Variants in TRAPPC4 observed in about 807,000 individuals in gnomAD.
TRAPPC4 encodes trafficking protein particle complex subunit 4, also known as TRS23 homolog.
A neutral mutation model predicts 23.5 loss-of-function variants in TRAPPC4; 30 were observed. The ratio of observed to expected loss-of-function variants is 1.28; its 90% CI spans 0.96 to 1.73. The LOEUF (loss-of-function observed/expected upper bound fraction) is 1.73. Among genes scored for constraint, TRAPPC4 ranks in the 40% most tolerant of loss-of-function variants. TRAPPC4 has a pLI of 0.00. For missense variants in TRAPPC4, 252 were observed against 268.9 expected (o/e 0.94, Z 0.44); for synonymous variants, 129 against 105.3 (o/e 1.23, Z -1.38).
intron 4 of TRAPPC4, 132 bp downstream of exon 4, chr11:119,022,018 CTT>C: frequency 5.0e-6 from 6 of 1,209,330 alleles, no homozygotes; most frequent in Non-Finnish European, 5.7e-6. Flanking sequence ...GAGTTTCGCT[CTT>C]GTTGCCCAGG....
At position 119,023,668 on chromosome 11, in the gene TRAPPC4, T is replaced by C; in HGVS notation, c.*269T>C. 3.3e-6 allele frequency: 1 copy of C among 301,194 alleles called. No individual in the cohort carries two copies. The highest frequency in any genetic ancestry group is 8.6e-5 in the South Asian group (1 of 11,620). 18.7% of individuals were successfully genotyped at this position (301,194 alleles called of 1,614,324 possible). A position where few individuals can be genotyped will look rare whatever the true frequency, so the allele number is the denominator to read the frequency against. ...AATAAATATTCCTTTGATCTTGGTG[T>C]TTGCAATCTGTCTTAATCGATGGTT... On this transcript the variant is annotated 3_prime_UTR_variant, in exon 5 of 5. Coordinates refer to ENST00000533632, the MANE Select transcript of TRAPPC4 (RefSeq NM_016146.6).
rs782638845 is a variant in TRAPPC4, at chr11:119,019,328, C to T, written c.350+11C>T. The T allele has an allele frequency of 1.2e-6, 2 of 1,606,794 alleles. No homozygotes were observed. The highest frequency in any genetic ancestry group is 1.3e-5 in the African/African-American group (1 of 74,912). On this transcript the variant is annotated intron_variant, in intron 2 of 4. Coordinates refer to ENST00000533632, the MANE Select transcript of TRAPPC4 (RefSeq NM_016146.6). ...CTCCATGTTCCACTCGTAAGTCCCC[C>T]GTCTCCTGAACGGCAGCGCTTGTAA...
rs781940547 is a variant in TRAPPC4 at position 119,020,199 on chromosome 11, A to AT, written c.402dup (p.Glu135Ter). The AT allele has an allele frequency of 6.2e-7, 1 of 1,614,048 alleles. No individual in the cohort carries two copies. Among genetic ancestry groups the AT allele is most frequent in the South Asian group, 1.1e-5 (1 of 91,086 alleles). On this transcript the variant is annotated frameshift_variant, in exon 3 of 5. Transcript: ENST00000533632. LOFTEE classifies it high-confidence loss of function. ...GTCTCCTGAACAGGGAAGCTCAGGC[A>AT]TTGAGATGCTGGAGACAGACACATT...
chr11:119,023,208 G>A (rs1163088569), intron 4 of TRAPPC4, 113 bp from the exon 5 acceptor site: 13 of 973,360 alleles, frequency 1.3e-5, no homozygotes, highest in East Asian at 9.8e-5. Flanking sequence ...CAGCTGATCC[G>A]CCCACCTCAG....
At chr11:119,022,357 G>C (rs1282541218) in intron 4 of TRAPPC4, among the ~76,000 whole-genome samples, 2 of 152,076 alleles carry the variant, frequency 1.3e-5, no homozygotes, top group African/African-American at 4.8e-5. Flanking sequence ...TTGGAAGACG[G>C]AGAGGGTAGG....
In TRAPPC4 at chr11:119,020,162, C is replaced by A. The variant is rs1267309395; in HGVS notation, c.363C>A (p.Ile121=). The A allele has an allele frequency of 1.2e-6, 2 of 1,613,422 alleles. No homozygotes were observed. Among genetic ancestry groups the A allele is most frequent in the Admixed American group, 1.7e-5 (1 of 59,978 alleles). The change falls in exon 3 of 5, where the codon ATC becomes ATA. Residue 121 remains isoleucine (I), a synonymous_variant. Transcript: ENST00000533632. ...CCTTTGCATATAGGCTCTTTGCCAT[C>A]GGCTCCCAGCTGTCTCCTGAACAGG... ...LASMFHSLFA[I]GSQLSPEQGS...
chr11:119,023,417 C>T lies in TRAPPC4; in HGVS notation c.*18C>T, dbSNP rs782704605. 5.6e-6 allele frequency: 9 copies of T among 1,611,842 alleles called. No individual in the cohort carries two copies. The highest frequency in any genetic ancestry group is 4.5e-5 in the East Asian group (2 of 44,852). ...GGTCATAGGCTGAACCTGTTATGGA[C>T]CCCCAAATTCTGAGAGTTCCTGCAA... On this transcript the variant is annotated 3_prime_UTR_variant, in exon 5 of 5. Coordinates refer to ENST00000533632, the MANE Select transcript of TRAPPC4 (RefSeq NM_016146.6).
chr11:119,020,071 C>G, intron 2 of TRAPPC4, 79 bp from the exon 3 acceptor site: 1 of 994,666 alleles, frequency 1.0e-6, no homozygotes, highest in Non-Finnish European at 1.6e-6. Context: ...AATGTGAACT[C>G]CTCAGCAAAT....
Position 119,020,227 on chromosome 11 carries a change from A to G in TRAPPC4, c.428A>G (p.Lys143Arg). ...GAGATGCTGGAGACAGACACATTCA[A>G]ATTGCACTGCTACCAGACACTGACA... ...GIEMLETDTF[K>R]LHCYQTLTGI... Residue 143 changes from lysine (K) to arginine (R), a missense_variant, in exon 3 of 5, where the codon AAA becomes AGA. Lys to Arg is a conservative substitution (Grantham distance 26). Transcript: ENST00000533632. The G allele has an allele frequency of 1.2e-6, 2 of 1,613,688 alleles. No individual in the cohort carries two copies. Among genetic ancestry groups the G allele is most frequent in the Non-Finnish European group, 8.5e-7 (1 of 1,179,922 alleles).
intron 4 of TRAPPC4, among the ~76,000 whole-genome samples, chr11:119,022,376 A>G (rs1302444576): frequency 1.3e-5 from 2 of 152,112 alleles, no homozygotes; most frequent in African/African-American, 4.8e-5. Flanking sequence ...GGATCACTTC[A>G]GCCCAGGAGT....
chr11:119,020,365 A>T, intron 3 of TRAPPC4, 112 bp downstream of exon 3: 1 of 811,748 alleles, frequency 1.2e-6, no homozygotes. Context: ...AGGTGGGAGG[A>T]GGGGGTTGAC....
At chr11:119,020,382 C>T (rs921918413) in intron 3 of TRAPPC4, 129 bp downstream of exon 3, 14 of 680,176 alleles carry the variant, frequency 2.1e-5, no homozygotes, top group African/African-American at 5.4e-5. Context: ...TGACCAAAGA[C>T]ACCTTTGGTA....
chr11:119,022,668 T>A (rs1171549880), intron 4 of TRAPPC4, among the ~76,000 whole-genome samples: 1 of 152,006 alleles, frequency 6.6e-6, no homozygotes, highest in Non-Finnish European at 1.5e-5. Context: ...GGCGGGCGGA[T>A]CACTTGAGGT....
In TRAPPC4 at chr11:119,021,785, T is replaced by A. The variant is rs1303787157; in HGVS notation, c.480T>A (p.Asp160Glu). 6.2e-7 allele frequency: 1 copy of A among 1,614,172 alleles called. No individual in the cohort carries two copies. Among genetic ancestry groups the A allele is most frequent in the South Asian group, 1.1e-5 (1 of 91,082 alleles). The change falls in exon 4 of 5, where the codon GAT becomes GAA. Residue 160 changes from aspartate (D) to glutamate (E), a missense_variant. Coordinates refer to ENST00000533632, the MANE Select transcript of TRAPPC4 (RefSeq NM_016146.6). ...GGATCAAGTTTGTGGTTCTAGCAGATCCTAGGCAAGCTGGAATAGATTCTC... is the reference window on the plus strand; with the variant it reads ...GGATCAAGTTTGTGGTTCTAGCAGAACCTAGGCAAGCTGGAATAGATTCTC... ...LTGIKFVVLA[D>E]PRQAGIDSLL...
At chr11:119,020,361 G>A in intron 3 of TRAPPC4, 108 bp downstream of exon 3, 1 of 852,274 alleles carries the variant, frequency 1.2e-6, no homozygotes, top group Non-Finnish European at 1.9e-6. Flanking sequence ...GAGAAGGTGG[G>A]AGGAGGGGGT....
In TRAPPC4 at chr11:119,023,345, G is replaced by A. The variant is rs138535146; in HGVS notation, c.606G>A (p.Leu202=). 2 of 1,614,012 alleles carry A rather than the reference G, an allele frequency of 1.2e-6. No homozygotes were observed. The highest frequency in any genetic ancestry group is 1.7e-6 in the Non-Finnish European group (2 of 1,180,008). ...PIRCELFDQN[L]KLALEVAEKA... Reference sequence around the variant, plus strand: ...GGTGTGAGCTCTTTGACCAGAACCTGAAGCTAGCTCTGGAGGTGGCAGAGA... The same window carrying A: ...GGTGTGAGCTCTTTGACCAGAACCTAAAGCTAGCTCTGGAGGTGGCAGAGA... The change falls in exon 5 of 5, where the codon CTG becomes CTA. Residue 202 remains leucine, a synonymous_variant. Coordinates refer to ENST00000533632, the MANE Select transcript of TRAPPC4 (RefSeq NM_016146.6).
chr11:119,019,191 A>G lies in TRAPPC4; in HGVS notation c.224A>G (p.Tyr75Cys). ...AINGMDVNGR[Y>C]TADGKEVLEY... ...AATGGCATGGACGTGAATGGCAGGTACACGGCCGACGGGAAAGAGGTGCTG... is the reference window on the plus strand; with the variant it reads ...AATGGCATGGACGTGAATGGCAGGTGCACGGCCGACGGGAAAGAGGTGCTG... Residue 75 changes from tyrosine (Y) to cysteine (C), a missense_variant, in exon 2 of 5, where the codon TAC (tyrosine) becomes TGC (cysteine). Around this residue, in one of 3 missense-constraint regions of TRAPPC4, gnomAD observed 222 missense variants for 217.8 expected, o/e 1.02. Transcript: ENST00000533632. The G allele has an allele frequency of 6.2e-7, 1 of 1,614,204 alleles. No individual in the cohort carries two copies. Among genetic ancestry groups the G allele is most frequent in the Non-Finnish European group, 8.5e-7 (1 of 1,180,028 alleles).
chr11:119,023,686 C>G lies in TRAPPC4; in HGVS notation c.*287C>G, dbSNP rs1276900042. ...CTTGGTGTTTGCAATCTGTCTTAAT[C>G]GATGGTTTTGGGGGAAAGATACAGG... On this transcript the variant is annotated 3_prime_UTR_variant, in exon 5 of 5. Transcript: ENST00000533632. The G allele has an allele frequency of 4.0e-6, 1 of 249,108 alleles. No homozygotes were observed. The highest frequency in any genetic ancestry group is 7.7e-6 in the Non-Finnish European group (1 of 129,836). The allele number at this position is 249,108 out of a possible 1,614,324, so 15.4% of individuals were successfully genotyped here. A position where few individuals can be genotyped will look rare whatever the true frequency, so the allele number is the denominator to read the frequency against.
chr11:119,019,037 G>C (rs1237351911), intron 1 of TRAPPC4, 67 bp downstream of exon 1: 1 of 1,590,256 alleles, frequency 6.3e-7, no homozygotes, highest in Non-Finnish European at 8.6e-7. Context: ...GAAGTGGGCT[G>C]GTTGTAGGTG....
Sources: gnomAD v4.1 joint callset for allele counts (sites outside exome capture counted in the v4.1 genomes callset) on GRCh38, gnomAD v4.1.1 for gene constraint, gnomAD v4.1.1 regional missense constraint, MANE v1.5 for transcripts, NCBI Gene and HGNC (gene_info 2026-07-23, HGNC 2026-07-21) for gene names.